Variants in CAPZB observed in about 807,000 individuals in gnomAD.
CAPZB encodes F-actin-capping protein subunit beta.
A neutral mutation model predicts 38.1 loss-of-function variants in CAPZB; 2 were observed. That is an observed-to-expected ratio of 0.05 (90% CI 0.02 to 0.17). CAPZB has a LOEUF of 0.17. CAPZB is among the 10% of genes least tolerant of loss of function. CAPZB has a pLI of 1.00. For missense variants in CAPZB, 161 were observed against 334.2 expected (o/e 0.48, Z 4.04); for synonymous variants, 107 against 127.4 (o/e 0.84, Z 1.08).
rs59316804 is a variant in CAPZB at position 19,445,654 on chromosome 1, A to G, written c.4-25904T>C. Among the ~76,000 whole-genome samples the G allele has an allele frequency of 9.8e-3, 1,497 of 152,324 alleles. 63 individuals carry two copies. The East Asian group carries it at 0.12, about 13-fold the overall frequency. On this transcript the variant is annotated intron_variant, in intron 1 of 8. Transcript: ENST00000264202. ...AAAAATAATCCGCATGATTCCATAC[A>G]TATGAAATGGCCAGACAGAAAGTGA...
chr1:19,420,600 G>C (rs551219252), intron 1 of CAPZB, among the ~76,000 whole-genome samples: 2 of 150,094 alleles, frequency 1.3e-5, no homozygotes, highest in African/African-American at 2.5e-5. Context: ...AGTTTTTTTT[G>C]GGGGGGAGGG....
chr1:19,357,272 T>C lies in CAPZB; in HGVS notation c.471+150A>G, dbSNP rs1264974803. 4.4e-6 allele frequency: 3 copies of C among 682,228 alleles called. No individual in the cohort carries two copies. The highest frequency in any genetic ancestry group is 2.7e-5 in the Admixed American group (1 of 36,716). The allele number at this position is 682,228 out of a possible 1,614,324, so 42.3% of individuals were successfully genotyped here. Reference sequence around the variant, plus strand: ...CATCAATGACTACTGCAGACTTATCTTTATCCAAATGGCTTTGAGGCATTT... The same window carrying C: ...CATCAATGACTACTGCAGACTTATCCTTATCCAAATGGCTTTGAGGCATTT... On this transcript the variant is annotated intron_variant, in intron 5 of 8. Transcript: ENST00000264202. The surrounding 1 kb of genome is among the most constrained non-coding windows in gnomAD (Gnocchi z 4.3).
intron 3 of CAPZB, among the ~76,000 whole-genome samples, chr1:19,381,962 G>A (rs2094177450): frequency 6.6e-6 from 1 of 152,098 alleles, no homozygotes; most frequent in Non-Finnish European, 1.5e-5. Context: ...GAGTGGATAA[G>A]AATCTGAGGG....
intron 1 of CAPZB, chr1:19,484,655 G>C (rs2100834278): frequency 8.6e-7 from 1 of 1,164,042 alleles, no homozygotes; most frequent in Non-Finnish European, 1.1e-6. Context: ...GCGCGCCCCA[G>C]GTACAGGGAA....
intron 1 of CAPZB, among the ~76,000 whole-genome samples, chr1:19,430,975 T>C (rs993802876): frequency 6.0e-4 from 92 of 152,166 alleles, no homozygotes; most frequent in Admixed American, 3.0e-3. Context: ...TTCTCTTGGG[T>C]GTGCATACCC....
In CAPZB at chr1:19,424,039, T is replaced by C. The variant is rs146311087; in HGVS notation, c.4-4289A>G. ...GTTGCCCAGGCTGGTCTCAAAGTCCTGAGCTCAAGCGATCCATCTGCCTCA... is the reference window on the plus strand; with the variant it reads ...GTTGCCCAGGCTGGTCTCAAAGTCCCGAGCTCAAGCGATCCATCTGCCTCA... On this transcript the variant is annotated intron_variant, in intron 1 of 8. Transcript: ENST00000264202. Among the ~76,000 whole-genome samples the C allele has an allele frequency of 2.8e-3, 422 of 152,326 alleles. 10 individuals are homozygous for C. The highest frequency in any genetic ancestry group is 0.024 in the East Asian group (126 of 5,180).
chr1:19,377,428 C>G (rs921810186), intron 4 of CAPZB, among the ~76,000 whole-genome samples: 1 of 152,186 alleles, frequency 6.6e-6, no homozygotes, highest in African/African-American at 2.4e-5. Context: ...AAAGGAGGAA[C>G]AAAACCATCT....
Position 19,345,195 on chromosome 1 carries a change from G to T in CAPZB, c.646C>A (p.Leu216Met). The T allele has an allele frequency of 6.2e-7, 1 of 1,613,862 alleles. No individual in the cohort carries two copies. Among genetic ancestry groups the T allele is most frequent in the Non-Finnish European group, 8.5e-7 (1 of 1,179,814 alleles). Residue 216 changes from leucine to methionine, a missense_variant, in exon 7 of 9, where the codon CTG becomes ATG. Leu to Met is a conservative substitution (Grantham distance 15, BLOSUM62 2). Coordinates refer to ENST00000264202, the MANE Select transcript of CAPZB (RefSeq NM_004930.5). ...GAGCCCAGGTCACTCACCTCTACCA[G>T]GCGCCCGATGTTGGCTATGTGTGGG... ...CSPHIANIGR[L>M]VEDMENKIRS...
At chr1:19,443,273 G>A (rs2094484864) in intron 1 of CAPZB, among the ~76,000 whole-genome samples, 1 of 151,932 alleles carries the variant, frequency 6.6e-6, no homozygotes, top group Admixed American at 6.6e-5. Flanking sequence ...GCGCGTGCCT[G>A]TAGTCCCAGC....
intron 4 of CAPZB, 104 bp downstream of exon 4, chr1:19,378,436 G>A: frequency 1.4e-6 from 1 of 723,276 alleles, no homozygotes; most frequent in South Asian, 1.6e-5. Flanking sequence ...AGATTCAAGG[G>A]AGAATGCTTG....
At chr1:19,476,193 T>C (rs1278239543) in intron 1 of CAPZB, among the ~76,000 whole-genome samples, 2 of 135,996 alleles carry the variant, frequency 1.5e-5, no homozygotes, top group East Asian at 2.0e-4. Flanking sequence ...GATAGATAGA[T>C]AGATAGATAG....
intron 1 of CAPZB, among the ~76,000 whole-genome samples, chr1:19,427,361 T>A (rs926088279): frequency 2.0e-5 from 3 of 152,198 alleles, no homozygotes; most frequent in African/African-American, 7.2e-5. Flanking sequence ...TCGTTTACAT[T>A]CCCGAGAGGC....
At chr1:19,438,896 T>C (rs891789538) in intron 1 of CAPZB, among the ~76,000 whole-genome samples, 1 of 152,368 alleles carries the variant, frequency 6.6e-6, no homozygotes, top group Middle Eastern at 3.4e-3. Flanking sequence ...GTTTCCCTTC[T>C]GTCCTCTGAT....
chr1:19,345,581 C>T (rs995337597), intron 6 of CAPZB, among the ~76,000 whole-genome samples: 4 of 152,266 alleles, frequency 2.6e-5, no homozygotes, highest in African/African-American at 9.6e-5. Flanking sequence ...CTGGAGAAGA[C>T]TCACTCGGTT....
At chr1:19,340,352 T>A (rs1211498335) in intron 8 of CAPZB, among the ~76,000 whole-genome samples, 1 of 152,212 alleles carries the variant, frequency 6.6e-6, no homozygotes, top group African/African-American at 2.4e-5. Flanking sequence ...CAAGTGCCCC[T>A]GGGATCCCTG....
chr1:19,469,868 G>A (rs894623424), intron 1 of CAPZB, among the ~76,000 whole-genome samples: 3 of 151,992 alleles, frequency 2.0e-5, no homozygotes, highest in Non-Finnish European at 4.4e-5. Flanking sequence ...CACCCAGGTC[G>A]GGGGGTATTC....
intron 2 of CAPZB, among the ~76,000 whole-genome samples, chr1:19,407,554 A>G (rs1483561581): frequency 6.6e-6 from 1 of 152,120 alleles, no homozygotes; most frequent in African/African-American, 2.4e-5. Context: ...AATGGCAAGG[A>G]AGCTGGGAAA....
chr1:19,394,114 C>A (rs1401494130), intron 2 of CAPZB, among the ~76,000 whole-genome samples: 4 of 152,246 alleles, frequency 2.6e-5, no homozygotes, highest in African/African-American at 9.6e-5. Flanking sequence ...GATTCTCCTG[C>A]CTCAGCCTCA....
chr1:19,359,550 G>A (rs2094041740), intron 4 of CAPZB, among the ~76,000 whole-genome samples: 1 of 152,172 alleles, frequency 6.6e-6, no homozygotes, highest in Non-Finnish European at 1.5e-5. Context: ...CTATGATTAA[G>A]CTCTCAAACC....
Sources: gnomAD v4.1 joint callset for allele counts (sites outside exome capture counted in the v4.1 genomes callset) on GRCh38, gnomAD v4.1.1 for gene constraint, Gnocchi (gnomAD v3.1) non-coding constraint, MANE v1.5 for transcripts, NCBI Gene and HGNC (gene_info 2026-07-23, HGNC 2026-07-21) for gene names.